The following MARCHF1 variants were observed in gnomAD, a reference collection of about 807,000 sequenced individuals.
MARCHF1 encodes the protein E3 ubiquitin-protein ligase MARCHF1.
MARCHF1 carries 40 observed loss-of-function variants against 54.2 expected under a neutral mutation model. The ratio of observed to expected loss-of-function variants is 0.74; its 90% CI spans 0.57 to 0.96. The LOEUF is 0.96. Ranked by LOEUF, MARCHF1 falls within the 40% of genes least tolerant of loss-of-function variation. The pLI is 0.00. For synonymous variants in MARCHF1, 236 were observed against 236.3 expected (o/e 1.00, Z 0.01); for missense variants, 586 against 656.5 (o/e 0.89, Z 1.17).
rs1285651205 is a variant in MARCHF1 at position 164,354,911 on chromosome 4, CAA to C, written c.-323+28957_-323+28958del. ...TCCTTAAGCTGATAAGCAACTTCAGCAAAGTCTCAGGATATAAAATCAATGTA... is the reference window on the plus strand; with the variant it reads ...TCCTTAAGCTGATAAGCAACTTCAGCAGTCTCAGGATATAAAATCAATGTA... On this transcript the variant is annotated intron_variant, in intron 1 of 9. Coordinates refer to ENST00000514618, the MANE Select transcript of MARCHF1 (RefSeq NM_001394959.1). Among the ~76,000 whole-genome samples the C allele has an allele frequency of 2.2e-5, 3 of 133,820 alleles. No homozygotes were observed. In the Admixed American group the frequency reaches 2.3e-4, roughly 10 times the overall value. 87.8% of individuals were successfully genotyped at this position (133,820 alleles called of 152,430 possible).
chr4:164,016,904 C>T (rs1283413291), intron 2 of MARCHF1, among the ~76,000 whole-genome samples: 1 of 151,998 alleles, frequency 6.6e-6, no homozygotes, highest in African/African-American at 2.4e-5. Flanking sequence ...TATATCAAAA[C>T]ATCACATGTA....
chr4:164,125,938 CTG>C (rs1249008834), intron 1 of MARCHF1, among the ~76,000 whole-genome samples: 2 of 152,196 alleles, frequency 1.3e-5, no homozygotes, highest in Non-Finnish European at 2.9e-5. Flanking sequence ...TGTGGAAAAA[CTG>C]TCTTCCACGG....
intron 4 of MARCHF1, among the ~76,000 whole-genome samples, chr4:163,828,461 G>A (rs1579319365): frequency 6.6e-6 from 1 of 152,056 alleles, no homozygotes; most frequent in South Asian, 2.1e-4. Flanking sequence ...GTAGCTGAAT[G>A]GGGGGCACAT....
At chr4:164,257,867 G>A (rs1460826160) in intron 1 of MARCHF1, among the ~76,000 whole-genome samples, 1 of 152,128 alleles carries the variant, frequency 6.6e-6, no homozygotes, top group Non-Finnish European at 1.5e-5. Context: ...TACTCTGGGG[G>A]CTGAGGCAGG....
intron 3 of MARCHF1, among the ~76,000 whole-genome samples, chr4:163,876,013 T>C (rs1040549547): frequency 6.6e-6 from 1 of 152,088 alleles, no homozygotes; most frequent in Non-Finnish European, 1.5e-5. Context: ...GGAAAGTAAA[T>C]ATTAGAGTTG....
intron 2 of MARCHF1, among the ~76,000 whole-genome samples, chr4:164,068,430 G>T (rs1754778574): frequency 6.6e-6 from 1 of 152,186 alleles, no homozygotes; most frequent in Non-Finnish European, 1.5e-5. Flanking sequence ...GCTGTGTGCG[G>T]CGCTTGTGGG....
intron 2 of MARCHF1, among the ~76,000 whole-genome samples, chr4:164,042,844 G>T (rs1338937178): frequency 6.6e-6 from 1 of 152,198 alleles, no homozygotes; most frequent in Non-Finnish European, 1.5e-5. Context: ...ATTTCAAATG[G>T]GAGAAATTGT....
chr4:163,991,425 C>G (rs1291798811), intron 2 of MARCHF1, among the ~76,000 whole-genome samples: 1 of 152,144 alleles, frequency 6.6e-6, no homozygotes, highest in East Asian at 1.9e-4. Flanking sequence ...AATACCTTTC[C>G]TCAAGCAGCT....
intron 3 of MARCHF1, among the ~76,000 whole-genome samples, chr4:163,952,774 A>T (rs983923737): frequency 2.6e-5 from 4 of 152,216 alleles, no homozygotes; most frequent in African/African-American, 9.6e-5. Context: ...CACCAAGCAC[A>T]ATTAGTCAAA....
At chr4:163,864,268 T>C (rs536410645) in intron 3 of MARCHF1, among the ~76,000 whole-genome samples, 35 of 152,108 alleles carry the variant, frequency 2.3e-4, no homozygotes, top group Middle Eastern at 3.4e-3. Flanking sequence ...TTGGAAATGG[T>C]ACTTTACCTG....
intron 1 of MARCHF1, among the ~76,000 whole-genome samples, chr4:164,267,407 CTCTT>C (rs1411401464): frequency 2.6e-5 from 4 of 152,202 alleles, no homozygotes; most frequent in African/African-American, 9.6e-5. Context: ...CTCCCTGTCT[CTCTT>C]TCTTTTGCCC....
chr4:163,820,170 T>A (rs1748651846), intron 4 of MARCHF1, among the ~76,000 whole-genome samples: 1 of 152,094 alleles, frequency 6.6e-6, no homozygotes, highest in Non-Finnish European at 1.5e-5. Flanking sequence ...TGAAATAGTT[T>A]TTTTGTGAGG....
intron 5 of MARCHF1, among the ~76,000 whole-genome samples, chr4:163,626,849 C>G (rs1004918804): frequency 6.6e-6 from 1 of 152,040 alleles, no homozygotes; most frequent in Admixed American, 6.6e-5. Context: ...ATTGCTTGAA[C>G]CTGGGAGGTG....
At chr4:164,192,930 G>C (rs1176293216) in intron 1 of MARCHF1, among the ~76,000 whole-genome samples, 1 of 152,128 alleles carries the variant, frequency 6.6e-6, no homozygotes, top group African/African-American at 2.4e-5. Context: ...TCTGAAAATG[G>C]TTAGAGGGAG....
intron 2 of MARCHF1, among the ~76,000 whole-genome samples, chr4:164,109,076 T>C (rs1353415578): frequency 2.6e-5 from 4 of 152,196 alleles, no homozygotes; most frequent in Admixed American, 6.5e-5. Flanking sequence ...GGGACCATTG[T>C]TGAGCGTGAG....
At chr4:163,715,402 G>C (rs1237136247) in intron 4 of MARCHF1, among the ~76,000 whole-genome samples, 2 of 152,068 alleles carry the variant, frequency 1.3e-5, no homozygotes, top group Admixed American at 6.6e-5. Flanking sequence ...CCCGCCACCA[G>C]ATGAGCCGAA....
rs1237821290 is a variant in MARCHF1, at chr4:163,737,922, G to T, written c.112-37059C>A. On this transcript the variant is annotated intron_variant, in intron 4 of 9. Transcript: ENST00000514618. ...TCCCATTACTGGGTATATACCCAAA[G>T]GACTATAAATCATGCTGCTCTAAAG... 1.4e-5 allele frequency among the ~76,000 whole-genome samples: 2 copies of T among 145,970 alleles called. 1 individual carries two copies. Among genetic ancestry groups the T allele is most frequent in the African/African-American group, 4.9e-5 (2 of 40,892 alleles).
chr4:163,742,378 C>T (rs1407630418), intron 4 of MARCHF1, among the ~76,000 whole-genome samples: 2 of 123,782 alleles, frequency 1.6e-5, no homozygotes, highest in East Asian at 4.5e-4. Flanking sequence ...CTCCCTCCCT[C>T]GCTACCTCCT....
At chr4:163,975,403 C>T (rs1752632182) in intron 3 of MARCHF1, among the ~76,000 whole-genome samples, 1 of 152,112 alleles carries the variant, frequency 6.6e-6, no homozygotes, top group Admixed American at 6.6e-5. Context: ...TAAGATACAA[C>T]TGGAGAGACA....
Sources: gnomAD v4.1 joint callset for allele counts (sites outside exome capture counted in the v4.1 genomes callset) on GRCh38, gnomAD v4.1.1 for gene constraint, MANE v1.5 for transcripts, NCBI Gene and HGNC (gene_info 2026-07-23, HGNC 2026-07-21) for gene names.